Variants in AGL observed in about 807,000 individuals in gnomAD.
AGL encodes the protein amylo-alpha-1,6-glucosidase and 4-alpha-glucanotransferase, also known as glycogen debranching enzyme.
A neutral mutation model predicts 199.3 loss-of-function variants in AGL; 128 were observed. The ratio of observed to expected loss-of-function variants is 0.64; its 90% CI spans 0.56 to 0.74. The LOEUF (loss-of-function observed/expected upper bound fraction) is 0.74. AGL is among the 30% of genes least tolerant of loss of function. AGL has a pLI of 0.00. For synonymous variants in AGL, 584 were observed against 594.7 expected (o/e 0.98, Z 0.26); for missense variants, 1,809 against 1,820.8 (o/e 0.99, Z 0.12).
In AGL at chr1:99,922,098, G is replaced by A. The variant is rs894217742; in HGVS notation, c.*447G>A. 3.3e-5 allele frequency: 5 copies of A among 152,354 alleles called. No individual in the cohort carries two copies. The highest frequency in any genetic ancestry group is 1.2e-4 in the African/African-American group (5 of 41,416). 9.4% of individuals were successfully genotyped at this position (152,354 alleles called of 1,614,324 possible). On this transcript the variant is annotated 3_prime_UTR_variant, in exon 34 of 34. Coordinates refer to ENST00000361915, the MANE Select transcript of AGL (RefSeq NM_000642.3). ...CGTACTATAGTATTCTTAATACAGT[G>A]CTCACTGCATTTAATAAATATTTAA... is the stretch of plus-strand genomic sequence containing the variant.
At chr1:99,915,553 A>T (rs1276392773) in intron 31 of AGL, 67 bp downstream of exon 31, 17 of 1,035,554 alleles carry the variant, frequency 1.6e-5, no homozygotes, top group East Asian at 1.1e-4. Flanking sequence ...ATCAACCATA[A>T]TTTTTTTTTT....
intron 27 of AGL, among the ~76,000 whole-genome samples, chr1:99,909,843 A>G (rs2100846294): frequency 6.6e-6 from 1 of 152,242 alleles, no homozygotes; most frequent in African/African-American, 2.4e-5. Context: ...CCCCTTTTTC[A>G]TACCAGAAGT....
rs745633958 is a variant in AGL at position 99,888,001 on chromosome 1, C to T, written c.2705C>T (p.Ala902Val). The T allele has an allele frequency of 2.5e-6, 4 of 1,613,364 alleles. No individual in the cohort carries two copies. The South Asian group carries it at 4.4e-5, about 18-fold the overall frequency. The change falls in exon 21 of 34, where the codon GCT becomes GTT. Residue 902 changes from alanine to valine, a missense_variant. By Grantham distance (64) the Ala-to-Val change is moderately conservative. Transcript: ENST00000361915. Reference protein sequence around the residue: ...FASLASRLTLAELNQILYRCE... With the variant: ...FASLASRLTLVELNQILYRCE... ...AGTCTTGCCTCCAGATTAACTTTGG[C>T]TGAGCTAAATCAGATCCTTTACCGA...
At chr1:99,873,506 C>T (rs1043137608) in intron 7 of AGL, among the ~76,000 whole-genome samples, 1 of 151,250 alleles carries the variant, frequency 6.6e-6, no homozygotes, top group Admixed American at 6.6e-5. Context: ...GTAATCTCCA[C>T]TCACCACAAC....
Position 99,891,302 on chromosome 1 carries a change from G to T in AGL, c.2895G>T (p.Trp965Cys). 1 of 1,613,740 alleles carries T rather than the reference G, an allele frequency of 6.2e-7. No homozygotes were observed. The highest frequency in any genetic ancestry group is 8.5e-7 in the Non-Finnish European group (1 of 1,179,744). ...PFCNNLRSGDWMIDYVSNRLI... is the reference protein window; with the variant it reads ...PFCNNLRSGDCMIDYVSNRLI... The stretch of plus-strand genomic sequence containing the variant: ...GTAATAATTTGAGATCTGGAGATTG[G>T]ATGATTGACTATGTCAGTAACCGGC... The change falls in exon 22 of 34, where the codon TGG (tryptophan) becomes TGT (cysteine). Residue 965 changes from tryptophan (W) to cysteine (C), a missense_variant. Physicochemically the swap from Trp to Cys is radical, Grantham distance 215. Coordinates refer to ENST00000361915, the MANE Select transcript of AGL (RefSeq NM_000642.3).
chr1:99,868,145 A>G (rs940702608), intron 5 of AGL, among the ~76,000 whole-genome samples: 2 of 152,156 alleles, frequency 1.3e-5, no homozygotes, highest in South Asian at 4.1e-4. Context: ...CCAGAAGTCC[A>G]TATTTATTTT....
intron 27 of AGL, 42 bp downstream of exon 27, chr1:99,902,836 A>G: frequency 6.9e-7 from 1 of 1,442,072 alleles, no homozygotes; most frequent in Non-Finnish European, 9.7e-7. Flanking sequence ...TATCAAGGTG[A>G]TGAAATTAAA....
At chr1:99,873,444 T>C (rs1438664810) in intron 7 of AGL, among the ~76,000 whole-genome samples, 1 of 151,330 alleles carries the variant, frequency 6.6e-6, no homozygotes, top group Non-Finnish European at 1.5e-5. Flanking sequence ...TTTTTTTTTT[T>C]TTTTTTTGAG....
At chr1:99,887,027 T>C (rs1652505009) in intron 20 of AGL, among the ~76,000 whole-genome samples, 1 of 152,038 alleles carries the variant, frequency 6.6e-6, no homozygotes, top group African/African-American at 2.4e-5. Flanking sequence ...TAGAATGGAG[T>C]TGATACTGAG....
At chr1:99,899,709 C>G (rs1453921995) in intron 25 of AGL, among the ~76,000 whole-genome samples, 1 of 151,992 alleles carries the variant, frequency 6.6e-6, no homozygotes, top group Non-Finnish European at 1.5e-5. Flanking sequence ...CAAGCTCCGC[C>G]TCCCTGGTTC....
At position 99,887,885 on chromosome 1, in the gene AGL, A is replaced by G. The variant is rs1652567898; in HGVS notation, c.2682-93A>G. 4 of 1,439,116 alleles carry G rather than the reference A, an allele frequency of 2.8e-6. No individual in the cohort carries two copies. The Admixed American group carries it at 6.9e-5, about 25-fold the overall frequency. 89.1% of individuals were successfully genotyped at this position (1,439,116 alleles called of 1,614,324 possible). On this transcript the variant is annotated intron_variant, in intron 20 of 33. Transcript: ENST00000361915. ...TTCCTAAAACATACACTGCTAAGAC[A>G]TTTTATGATTGTAATTCAGATTTTC... is the stretch of plus-strand genomic sequence containing the variant.
At position 99,887,986 on chromosome 1, in the gene AGL, C is replaced by G. The variant is rs1166549253; in HGVS notation, c.2690C>G (p.Ser897Cys). 6.2e-7 allele frequency: 1 copy of G among 1,613,342 alleles called. No homozygotes were observed. Reference sequence around the variant, plus strand: ...TATTTTCCAATTCTTAGTCTTGCCTCCAGATTAACTTTGGCTGAGCTAAAT... The same window carrying G: ...TATTTTCCAATTCTTAGTCTTGCCTGCAGATTAACTTTGGCTGAGCTAAAT... ...ILKIPFASLA[S>C]RLTLAELNQI... Residue 897 changes from serine to cysteine, a missense_variant, in exon 21 of 34, where the codon TCC (serine) becomes TGC (cysteine). Transcript: ENST00000361915.
rs1483586241 is a variant in AGL, at chr1:99,880,712, C to T, written c.1816C>T (p.Gln606Ter). The stretch of plus-strand genomic sequence containing the variant: ...AGGAGAACCTGTTGGATCCTTTGTT[C>T]AGCCCTGTTTGAGGCCTTTAATGCC... ...YGGEPVGSFV[Q>*]PCLRPLMPAI... Residue 606 changes from glutamine to a stop codon, truncating the protein, a stop_gained, in exon 14 of 34, where the codon CAG becomes TAG. Coordinates refer to ENST00000361915, the MANE Select transcript of AGL (RefSeq NM_000642.3). LOFTEE classifies it high-confidence loss of function. 1.2e-6 allele frequency: 2 copies of T among 1,613,870 alleles called. No individual in the cohort carries two copies. Among genetic ancestry groups the T allele is most frequent in the Non-Finnish European group, 1.7e-6 (2 of 1,179,928 alleles).
chr1:99,877,239 G>T (rs1222185135), intron 11 of AGL, among the ~76,000 whole-genome samples: 1 of 152,008 alleles, frequency 6.6e-6, no homozygotes, highest in African/African-American at 2.4e-5. Context: ...CATTCTAAAC[G>T]AAATCAAGCC....
chr1:99,879,888 T>C (rs1456717734), intron 12 of AGL, 35 bp from the exon 13 acceptor site: 1 of 1,552,876 alleles, frequency 6.4e-7, no homozygotes, highest in Non-Finnish European at 8.9e-7. Context: ...TTCTGTTACA[T>C]TTATTTGTTA....
rs766952829 is a variant in AGL at position 99,916,613 on chromosome 1, A to T, written c.4363A>T (p.Ile1455Phe). Residue 1455 changes from isoleucine (I) to phenylalanine (F), a missense_variant, in exon 33 of 34, where the codon ATT (isoleucine) becomes TTT (phenylalanine). Ile to Phe is a conservative substitution (Grantham distance 21, BLOSUM62 0). Coordinates refer to ENST00000361915, the MANE Select transcript of AGL (RefSeq NM_000642.3). The part of the protein sequence containing the change: ...YHQGPEWLWP[I>F]GYFLRAKLYF... ...TCTTTTTTAGGAGTGGCTGTGGCCT[A>T]TTGGGTATTTTCTTCGTGCAAAATT... is the stretch of plus-strand genomic sequence containing the variant. 11 of 1,613,042 alleles carry T rather than the reference A, an allele frequency of 6.8e-6. No homozygotes were observed. Among genetic ancestry groups the T allele is most frequent in the Non-Finnish European group, 8.5e-6 (10 of 1,179,538 alleles).
At chr1:99,861,267 AAGG>A in intron 2 of AGL, 2 of 1,369,302 alleles carry the variant, frequency 1.5e-6, no homozygotes. Flanking sequence ...TTTCCAGGGG[AAGG>A]AGAAAGAGAC....
At chr1:99,861,961 G>A (rs1650075351) in intron 3 of AGL, among the ~76,000 whole-genome samples, 1 of 152,016 alleles carries the variant, frequency 6.6e-6, no homozygotes, top group Admixed American at 6.6e-5. Context: ...CTGATTATAG[G>A]TTGCTGTTTA....
At chr1:99,850,925 G>A (rs1277081468) in intron 1 of AGL, 50 bp from the exon 2 acceptor site, 2 of 877,300 alleles carry the variant, frequency 2.3e-6, no homozygotes, top group Non-Finnish European at 3.9e-6. Flanking sequence ...GCTCTGGAGA[G>A]TTTAAGGCAA....
Sources: gnomAD v4.1 joint callset for allele counts (sites outside exome capture counted in the v4.1 genomes callset) on GRCh38, gnomAD v4.1.1 for gene constraint, MANE v1.5 for transcripts, NCBI Gene and HGNC (gene_info 2026-07-23, HGNC 2026-07-21) for gene names.